RUBCN: variants seen among roughly 807,000 people sequenced by gnomAD.
RUBCN encodes the protein run domain Beclin-1-interacting and cysteine-rich domain-containing protein.
A neutral mutation model predicts 113.2 loss-of-function variants in RUBCN; 74 were observed. That is an observed-to-expected ratio of 0.65 (90% CI 0.54 to 0.79). RUBCN has a LOEUF of 0.79. Among genes scored for constraint, RUBCN ranks in the 30% least tolerant of loss-of-function variants. The pLI is 0.00. For missense variants in RUBCN, 1,109 were observed against 1,251.7 expected, an observed-to-expected ratio of 0.89 and a Z score of 1.72; for synonymous variants, 480 against 490.0, an observed-to-expected ratio of 0.98 and a Z score of 0.27.
intron 1 of RUBCN, among the ~76,000 whole-genome samples, chr3:197,719,339 G>A (rs1580338015): frequency 6.6e-6 from 1 of 152,072 alleles, no homozygotes; most frequent in Non-Finnish European, 1.5e-5. Context: ...TTAGCCAGGC[G>A]TGGTGGCACA....
At chr3:197,730,083 G>A (rs568224603) in intron 1 of RUBCN, among the ~76,000 whole-genome samples, 1 of 152,328 alleles carries the variant, frequency 6.6e-6, no homozygotes, top group South Asian at 2.1e-4. Context: ...GATTAGTTAA[G>A]AAGCTACTGA....
upstream of RUBCN, among the ~76,000 whole-genome samples, chr3:197,739,239 A>C (rs1282872074): frequency 6.8e-6 from 1 of 146,870 alleles, no homozygotes; most frequent in African/African-American, 2.7e-5. Flanking sequence ...AAATACAAAA[A>C]AATTAGCCGG....
chr3:197,727,239 C>T (rs1260055417), intron 1 of RUBCN, among the ~76,000 whole-genome samples: 1 of 152,192 alleles, frequency 6.6e-6, no homozygotes, highest in African/African-American at 2.4e-5. Flanking sequence ...CTCACCTGGC[C>T]TAGATCCACA....
chr3:197,683,282 G>A lies in RUBCN; in HGVS notation c.1980+25C>T, dbSNP rs776487313. On this transcript the variant is annotated intron_variant, in intron 13 of 19. Coordinates refer to ENST00000296343, the MANE Select transcript of RUBCN (RefSeq NM_014687.4). The surrounding 1 kb of genome is among the most constrained non-coding windows in gnomAD (Gnocchi z 4.6). ...CACAGAGGCTCACGATGGCCCCTGG[G>A]TAGGAAGAAGAGCTAAGGACCTACC... 5 of 1,614,132 alleles carry A rather than the reference G, an allele frequency of 3.1e-6. No individual in the cohort carries two copies. The highest frequency in any genetic ancestry group is 1.3e-5 in the African/African-American group (1 of 75,034).
intron 4 of RUBCN, among the ~76,000 whole-genome samples, chr3:197,704,271 C>T (rs1233737340): frequency 6.6e-6 from 1 of 152,146 alleles, no homozygotes; most frequent in Non-Finnish European, 1.5e-5. Flanking sequence ...CCCATTTCTA[C>T]TAAAATTACA....
intron 16 of RUBCN, among the ~76,000 whole-genome samples, chr3:197,680,660 C>T (rs1319840112): frequency 2.0e-5 from 3 of 152,190 alleles, no homozygotes; most frequent in Non-Finnish European, 4.4e-5. Flanking sequence ...AAGGCCCCTC[C>T]GCCAGGTCTG....
Position 197,681,585 on chromosome 3 carries a change from T to C in RUBCN, c.2192-218A>G, listed in dbSNP as rs749264893. The stretch of plus-strand genomic sequence containing the variant: ...CTGAGGAAATAAAACCAGCTGGAGA[T>C]AGTAAGATCCCGCCTTACCAGCTAG... On this transcript the variant is annotated intron_variant, in intron 15 of 19. Transcript: ENST00000296343. This position sits in a 1 kb window ranked among gnomAD's most constrained non-coding sequence, Gnocchi z 5.5. Among the ~76,000 whole-genome samples, 8 of 152,120 alleles carry C rather than the reference T, an allele frequency of 5.3e-5. No homozygotes were observed. The highest frequency in any genetic ancestry group is 8.8e-5 in the Non-Finnish European group (6 of 68,012).
At chr3:197,691,179 T>G in intron 11 of RUBCN, 1 of 1,093,730 alleles carries the variant, frequency 9.1e-7, no homozygotes, top group Non-Finnish European at 1.2e-6. Flanking sequence ...AAGGGGGCCC[T>G]TAGTATTCCA....
chr3:197,736,887 G>C lies in RUBCN; in HGVS notation c.-168C>G. ...CGGGAGGGACCGCCGCCTGGGCTGC[G>C]GCTTCTATCCCGGCCACCCCCACTT... is the stretch of plus-strand genomic sequence containing the variant. On this transcript the variant is annotated 5_prime_UTR_variant, in exon 1 of 20. Coordinates refer to ENST00000296343, the MANE Select transcript of RUBCN (RefSeq NM_014687.4). 2 of 1,371,958 alleles carry C rather than the reference G, an allele frequency of 1.5e-6. No individual in the cohort carries two copies. Among genetic ancestry groups the C allele is most frequent in the Non-Finnish European group, 1.9e-6 (2 of 1,069,948 alleles). The allele number at this position is 1,371,958 out of a possible 1,614,324, so 85.0% of individuals were successfully genotyped here. A position where few individuals can be genotyped will look rare whatever the true frequency, so the allele number is the denominator to read the frequency against.
intron 1 of RUBCN, among the ~76,000 whole-genome samples, chr3:197,745,439 A>T (rs952833314): frequency 9.9e-5 from 15 of 151,354 alleles, no homozygotes; most frequent in African/African-American, 3.6e-4. Flanking sequence ...AACATGGTGA[A>T]ACACTGTCTC....
chr3:197,699,099 G>T, intron 7 of RUBCN: 1 of 926,484 alleles, frequency 1.1e-6, no homozygotes, highest in South Asian at 1.4e-5. Context: ...AGCCAGACTT[G>T]ATTTGACACC....
Position 197,704,592 on chromosome 3 carries a change from T to C in RUBCN, c.413A>G (p.Gln138Arg), listed in dbSNP as rs1724071336. The C allele has an allele frequency of 6.2e-7, 1 of 1,614,186 alleles. No individual in the cohort carries two copies. Among genetic ancestry groups the C allele is most frequent in the Admixed American group, 1.7e-5 (1 of 60,008 alleles). Residue 138 changes from glutamine (Q) to arginine (R), a missense_variant, in exon 4 of 20, where the codon CAG (glutamine) becomes CGG (arginine). Around this residue, in one of 3 missense-constraint regions of RUBCN, gnomAD observed 736 missense variants for 779.6 expected, o/e 0.94. Coordinates refer to ENST00000296343, the MANE Select transcript of RUBCN (RefSeq NM_014687.4). ...HSLQYHCLSA[Q>R]LRPLLGDRQY... The stretch of plus-strand genomic sequence containing the variant: ...TCTATCCCCGAGCAGGGGCCGGAGC[T>C]GGGCTGAGAGGCAGTGGTACTGCAG...
At chr3:197,738,335 G>A (rs560660158), upstream of RUBCN, among the ~76,000 whole-genome samples, 4 of 152,256 alleles carry the variant, frequency 2.6e-5, no homozygotes, top group South Asian at 6.2e-4. Context: ...GAGGGAGAAA[G>A]AGCGATCAAG....
intron 1 of RUBCN, among the ~76,000 whole-genome samples, chr3:197,736,167 C>T (rs973885863): frequency 7.2e-5 from 11 of 152,106 alleles, no homozygotes; most frequent in African/African-American, 2.2e-4. Context: ...CGCCTTCATC[C>T]CCATGCTCAT....
intron 10 of RUBCN, chr3:197,694,163 T>C (rs1448120141): frequency 2.9e-6 from 2 of 680,056 alleles, no homozygotes; most frequent in Admixed American, 2.0e-5. Context: ...AGTGCTGGGA[T>C]TCCAGGCGTG....
chr3:197,701,382 G>A (rs1455099597), intron 6 of RUBCN, among the ~76,000 whole-genome samples: 2 of 152,154 alleles, frequency 1.3e-5, no homozygotes. Flanking sequence ...CTGTTTGAAG[G>A]CTCAAATGGG....
At chr3:197,709,444 G>C (rs148624798) in intron 2 of RUBCN, among the ~76,000 whole-genome samples, 12,924 of 152,048 alleles carry the variant, frequency 0.085, 641 homozygotes, top group Middle Eastern at 0.12. Context: ...GCAATGGCGC[G>C]ATCTCGGCTC....
rs116391700 is a variant in RUBCN, at chr3:197,670,601, C to A, written c.*4417G>T. 1.1e-4 allele frequency among the ~76,000 whole-genome samples: 16 copies of A among 152,344 alleles called. No individual in the cohort carries two copies. The highest frequency in any genetic ancestry group is 3.8e-4 in the African/African-American group (16 of 41,578). ...CTTAGAACAAAGTGAAGGTTTTGTACTGTAAGCTATTTTCCTATCTCTAGT... is the reference window on the plus strand; with the variant it reads ...CTTAGAACAAAGTGAAGGTTTTGTAATGTAAGCTATTTTCCTATCTCTAGT... On this transcript the variant is annotated 3_prime_UTR_variant, in exon 20 of 20. Transcript: ENST00000296343.
Position 197,669,347 on chromosome 3 carries a change from T to C in RUBCN, c.*5671A>G, listed in dbSNP as rs1486447262. 1.3e-5 allele frequency among the ~76,000 whole-genome samples: 2 copies of C among 152,250 alleles called. No homozygotes were observed. Among genetic ancestry groups the C allele is most frequent in the Non-Finnish European group, 2.9e-5 (2 of 68,042 alleles). On this transcript the variant is annotated 3_prime_UTR_variant, in exon 20 of 20. Coordinates refer to ENST00000296343, the MANE Select transcript of RUBCN (RefSeq NM_014687.4). ...GCATTCAGTCATCGTATCTGCTTAG[T>C]CTCCTCTCGTCCGTGACGGCATCTC...
Sources: allele counts gnomAD v4.1 joint callset (sites outside exome capture counted in the v4.1 genomes callset), GRCh38; gene constraint gnomAD v4.1.1; regional missense constraint gnomAD v4.1.1; non-coding constraint Gnocchi (gnomAD v3.1); transcripts MANE v1.5; gene names NCBI Gene and HGNC (gene_info 2026-07-23, HGNC 2026-07-21).